Variants in CSMD3 observed in about 807,000 individuals in gnomAD.
CSMD3 encodes CUB and sushi domain-containing protein 3.
In CSMD3, 177 loss-of-function variants were observed where a neutral mutation model predicts 435.2. That is an observed-to-expected ratio of 0.41 (90% CI 0.36 to 0.46). The LOEUF (loss-of-function observed/expected upper bound fraction) is 0.46. CSMD3 is among the 20% of genes least tolerant of loss of function. The probability of loss-of-function intolerance (pLI) is 0.34; values close to 1 mark genes in which losing one functional copy is unlikely to be tolerated. For missense variants in CSMD3, 4,265 were observed against 4,504.6 expected, an observed-to-expected ratio of 0.95 and a Z score of 1.52; for synonymous variants, 1,656 against 1,520.5, an observed-to-expected ratio of 1.09 and a Z score of -2.07.
intron 4 of CSMD3, among the ~76,000 whole-genome samples, chr8:113,168,145 AC>A (rs1254593105): frequency 6.6e-6 from 1 of 152,112 alleles, no homozygotes; most frequent in Non-Finnish European, 1.5e-5. Flanking sequence ...TCAGAGAGTT[AC>A]AATAACACAT....
intron 1 of CSMD3, among the ~76,000 whole-genome samples, chr8:113,370,803 TTC>T (rs1246493280): frequency 1.3e-5 from 2 of 152,044 alleles, no homozygotes; most frequent in Non-Finnish European, 2.9e-5. Context: ...TCTTCTCTAA[TTC>T]TCCATAAAGT....
chr8:112,375,549 T>G (rs1828863903), intron 38 of CSMD3, among the ~76,000 whole-genome samples: 2 of 152,116 alleles, frequency 1.3e-5, no homozygotes. Flanking sequence ...GCACCTATTA[T>G]GTGTTAATTA....
intron 28 of CSMD3, among the ~76,000 whole-genome samples, chr8:112,512,749 T>C (rs927121167): frequency 1.1e-4 from 17 of 152,180 alleles, no homozygotes; most frequent in African/African-American, 4.1e-4. Flanking sequence ...TTCTCCTCTC[T>C]AGCAATGAAA....
Position 113,291,374 on chromosome 8 carries a change from C to T in CSMD3, c.402-12670G>A, listed in dbSNP as rs140125542. ...TCATTTAACATTTTCATGATAACTACGATAGGACTTCATTGGGGGAATTAA... is the reference window on the plus strand; with the variant it reads ...TCATTTAACATTTTCATGATAACTATGATAGGACTTCATTGGGGGAATTAA... On this transcript the variant is annotated intron_variant, in intron 2 of 70. Transcript: ENST00000297405. Among the ~76,000 whole-genome samples the T allele has an allele frequency of 3.9e-3, 589 of 151,804 alleles. 9 individuals carry two copies. Among genetic ancestry groups the T allele is most frequent in the African/African-American group, 0.013 (560 of 41,498 alleles).
intron 3 of CSMD3, among the ~76,000 whole-genome samples, chr8:113,228,219 T>C (rs904146736): frequency 1.3e-5 from 2 of 151,648 alleles, no homozygotes; most frequent in African/African-American, 4.8e-5. Context: ...TTTGCCATCA[T>C]ATATTTAATT....
chr8:112,843,104 T>C (rs1244023295), intron 11 of CSMD3, among the ~76,000 whole-genome samples: 1 of 151,796 alleles, frequency 6.6e-6, no homozygotes, highest in Non-Finnish European at 1.5e-5. Context: ...AAGAGAGATT[T>C]TATGTTTGGT....
intron 5 of CSMD3, among the ~76,000 whole-genome samples, chr8:113,030,579 T>C (rs1294589584): frequency 4.0e-5 from 6 of 150,964 alleles, no homozygotes; most frequent in Non-Finnish European, 8.9e-5. Context: ...TAGAAAAACA[T>C]ATCACAGAAA....
intron 12 of CSMD3, among the ~76,000 whole-genome samples, chr8:112,807,537 T>TAGGTAGGTAGGAAGGA (rs1232991977): frequency 2.3e-5 from 2 of 87,266 alleles, no homozygotes; most frequent in Admixed American, 1.1e-4. Flanking sequence ...GGTAGGTAGG[T>TAGGTAGGTAGGAAGGA]AGGAAATACA....
intron 3 of CSMD3, among the ~76,000 whole-genome samples, chr8:113,244,351 T>C (rs2093253379): frequency 6.6e-6 from 1 of 152,222 alleles, no homozygotes; most frequent in South Asian, 2.1e-4. Context: ...AGTCTCATGC[T>C]GTTGCCCAGG....
intron 6 of CSMD3, among the ~76,000 whole-genome samples, chr8:112,992,772 G>A (rs1273076910): frequency 6.6e-6 from 1 of 151,572 alleles, no homozygotes; most frequent in African/African-American, 2.4e-5. Flanking sequence ...CACTGTCAAT[G>A]GGTAGTGTTT....
chr8:113,056,075 A>T (rs990763950), intron 5 of CSMD3, among the ~76,000 whole-genome samples: 1 of 152,182 alleles, frequency 6.6e-6, no homozygotes, highest in Non-Finnish European at 1.5e-5. Flanking sequence ...TTAAGAGGAA[A>T]AATATCACCA....
At chr8:112,650,808 A>G (rs2075106490) in intron 18 of CSMD3, among the ~76,000 whole-genome samples, 2 of 152,236 alleles carry the variant, frequency 1.3e-5, no homozygotes, top group Admixed American at 6.5e-5. Flanking sequence ...CAATTAGCAC[A>G]TTTCTTCTGG....
rs376194296 is a variant in CSMD3, at chr8:112,771,857, C to T, written c.1972+28305G>A. On this transcript the variant is annotated intron_variant, in intron 13 of 70. Transcript: ENST00000297405. ...TAGAAAAAAGTCAATCACATCTACACAACAATATTGTGGTAAATCAGAAAT... is the reference window on the plus strand; with the variant it reads ...TAGAAAAAAGTCAATCACATCTACATAACAATATTGTGGTAAATCAGAAAT... Among the ~76,000 whole-genome samples, 6 of 151,936 alleles carry T rather than the reference C, an allele frequency of 3.9e-5. No individual in the cohort carries two copies. The East Asian group carries it at 1.2e-3, about 30-fold the overall frequency.
chr8:113,301,369 G>C (rs1014393813), intron 2 of CSMD3, among the ~76,000 whole-genome samples: 1 of 152,032 alleles, frequency 6.6e-6, no homozygotes, highest in African/African-American at 2.4e-5. Flanking sequence ...ATGCAATAAA[G>C]AGTTAACGCT....
intron 1 of CSMD3, among the ~76,000 whole-genome samples, chr8:113,324,841 C>T (rs1045658727): frequency 2.6e-5 from 4 of 152,214 alleles, no homozygotes; most frequent in Non-Finnish European, 5.9e-5. Context: ...CCTGCAAAGC[C>T]ACAGGGGTGG....
chr8:112,494,314 TCTC>T (rs1273664553), intron 30 of CSMD3, among the ~76,000 whole-genome samples: 3 of 56,984 alleles, frequency 5.3e-5, no homozygotes, highest in African/African-American at 7.1e-5. Flanking sequence ...TCTTTTACTC[TCTC>T]CTTTCTTTCT....
intron 1 of CSMD3, among the ~76,000 whole-genome samples, chr8:113,424,619 G>A (rs550438673): frequency 6.6e-6 from 1 of 151,006 alleles, no homozygotes; most frequent in Non-Finnish European, 1.5e-5. Flanking sequence ...ACAGTTTGGT[G>A]ATCACAAATG....
rs111878119 is a variant in CSMD3, at chr8:112,406,424, G to A, written c.5809+100C>T. 2.9e-5 allele frequency: 18 copies of A among 624,514 alleles called. 1 individual carries two copies. The highest frequency in any genetic ancestry group is 1.5e-4 in the African/African-American group (8 of 53,384). 38.7% of individuals were successfully genotyped at this position (624,514 alleles called of 1,614,324 possible). On this transcript the variant is annotated intron_variant, in intron 35 of 70. Transcript: ENST00000297405. ...TACTTATTAAATTATTTAAAATTAAGTACATAATTATTAGATCTGAAATTT... is the reference window on the plus strand; with the variant it reads ...TACTTATTAAATTATTTAAAATTAAATACATAATTATTAGATCTGAAATTT...
At chr8:112,506,920 T>A (rs1201776698) in intron 28 of CSMD3, 91 bp from the exon 29 acceptor site, 1 of 1,157,624 alleles carries the variant, frequency 8.6e-7, no homozygotes. Flanking sequence ...CTAAAAGAGC[T>A]TATGAGGCTT....
Sources: allele counts gnomAD v4.1 joint callset (sites outside exome capture counted in the v4.1 genomes callset), GRCh38; gene constraint gnomAD v4.1.1; transcripts MANE v1.5; gene names NCBI Gene and HGNC (gene_info 2026-07-23, HGNC 2026-07-21).